The following KATNAL2 variants were observed in gnomAD, a reference collection of about 807,000 sequenced individuals.
KATNAL2 encodes katanin p60 ATPase-containing subunit A-like 2.
In KATNAL2, 52 loss-of-function variants were observed where a neutral mutation model predicts 76.3. The ratio of observed to expected loss-of-function variants is 0.68; its 90% CI spans 0.55 to 0.86. The LOEUF (loss-of-function observed/expected upper bound fraction) is 0.86. KATNAL2 is among the 40% of genes least tolerant of loss of function. KATNAL2 has a pLI of 0.00. For synonymous variants in KATNAL2, 243 were observed against 244.2 expected, an observed-to-expected ratio of 1.00 and a Z score of 0.05; for missense variants, 660 against 668.9, an observed-to-expected ratio of 0.99 and a Z score of 0.15.
chr18:47,034,747 G>T (rs202180726), intron 3 of KATNAL2: 4 of 1,612,820 alleles, frequency 2.5e-6, no homozygotes, highest in South Asian at 2.2e-5. Flanking sequence ...AGCTGTGCGC[G>T]TTGGAGAGGC....
At chr18:46,946,582 G>T (rs2059386215) in intron 2 of KATNAL2, 36 bp downstream of exon 2, 1 of 984,980 alleles carries the variant, frequency 1.0e-6, no homozygotes, top group South Asian at 4.7e-5. Flanking sequence ...TTTTAGAAAC[G>T]AATTAAGAAA....
At chr18:47,034,766 G>A (rs987227054) in intron 3 of KATNAL2, 5 of 1,612,582 alleles carry the variant, frequency 3.1e-6, no homozygotes, top group African/African-American at 1.3e-5. Context: ...GCCCGATAGC[G>A]GCCGGAATCA....
intron 3 of KATNAL2, among the ~76,000 whole-genome samples, chr18:46,947,937 C>T (rs1345335526): frequency 6.6e-6 from 1 of 152,170 alleles, no homozygotes; most frequent in Non-Finnish European, 1.5e-5. Flanking sequence ...CTACCCGCCT[C>T]AGAATCTTTT....
chr18:47,058,360 T>C lies in KATNAL2; in HGVS notation c.450+8T>C, dbSNP rs2147126191. On this transcript the variant is annotated splice_region_variant and intron_variant, in intron 7 of 17. Coordinates refer to ENST00000683218, the MANE Select transcript of KATNAL2 (RefSeq NM_001387690.1). Reference sequence around the variant, plus strand: ...AAGGAGCATCCTAATCAGGTCAGGATGGCTTGGCTTGACTTTGTGAACAGC... The same window carrying C: ...AAGGAGCATCCTAATCAGGTCAGGACGGCTTGGCTTGACTTTGTGAACAGC... 6.5e-7 allele frequency: 1 copy of C among 1,532,108 alleles called. No individual in the cohort carries two copies. The allele number at this position is 1,532,108 out of a possible 1,614,324, so 94.9% of individuals were successfully genotyped here. A position where few individuals can be genotyped will look rare whatever the true frequency, so the allele number is the denominator to read the frequency against.
chr18:47,031,840 T>G (rs1376667736), intron 3 of KATNAL2, among the ~76,000 whole-genome samples: 1 of 152,192 alleles, frequency 6.6e-6, no homozygotes, highest in African/African-American at 2.4e-5. Flanking sequence ...GAATGCTTTC[T>G]TGTCTTCCTG....
chr18:46,954,523 G>T (rs1333943677), intron 3 of KATNAL2, among the ~76,000 whole-genome samples: 1 of 151,600 alleles, frequency 6.6e-6, no homozygotes, highest in African/African-American at 2.4e-5. Flanking sequence ...TACAGACAGG[G>T]TTTCACCATG....
At chr18:46,944,337 C>A (rs115497939) in intron 1 of KATNAL2, among the ~76,000 whole-genome samples, 2 of 152,174 alleles carry the variant, frequency 1.3e-5, no homozygotes, top group East Asian at 3.9e-4. Flanking sequence ...ATAAGTAGTA[C>A]AACAATAAAA....
chr18:47,059,649 C>T lies in KATNAL2; in HGVS notation c.544C>T (p.Arg182Ter), dbSNP rs757847286. 92 of 1,606,250 alleles carry T rather than the reference C, an allele frequency of 5.7e-5. No homozygotes were observed. The East Asian group carries it at 7.4e-4, about 13-fold the overall frequency. ...KDSGEENAHP[R>*]RGQIIDFQGL... ...CAGTGGAGAGGAAAATGCCCACCCA[C>T]GAAGAGTAAGTGAAACTCATGAACC... Residue 182 changes from arginine to a stop codon, truncating the protein, a stop_gained, in exon 8 of 18, where the codon CGA becomes TGA. Coordinates refer to ENST00000683218, the MANE Select transcript of KATNAL2 (RefSeq NM_001387690.1). LOFTEE classifies it high-confidence loss of function.
chr18:47,055,678 A>G (rs1405019575), intron 6 of KATNAL2, among the ~76,000 whole-genome samples: 1 of 152,242 alleles, frequency 6.6e-6, no homozygotes, highest in African/African-American at 2.4e-5. Context: ...TGGGTAATAA[A>G]TGATAACTGC....
intron 6 of KATNAL2, among the ~76,000 whole-genome samples, chr18:47,055,831 A>G (rs1292531193): frequency 6.6e-6 from 1 of 152,206 alleles, no homozygotes; most frequent in Admixed American, 6.5e-5. Flanking sequence ...CCCTTAGGCA[A>G]GGAGCACCGT....
intron 4 of KATNAL2, among the ~76,000 whole-genome samples, chr18:47,051,453 A>AG (rs1188037127): frequency 6.6e-6 from 1 of 151,604 alleles, no homozygotes; most frequent in African/African-American, 2.4e-5. Flanking sequence ...AAGGTTAAAA[A>AG]AAGTTTGTAA....
chr18:47,025,108 C>A (rs1599527088), intron 3 of KATNAL2, among the ~76,000 whole-genome samples: 2 of 94,962 alleles, frequency 2.1e-5, no homozygotes, highest in Non-Finnish European at 4.2e-5. Flanking sequence ...CCCCCCCCCA[C>A]CCCGCCCCCA....
chr18:47,061,043 G>A (rs2061615863), intron 8 of KATNAL2, among the ~76,000 whole-genome samples: 1 of 152,196 alleles, frequency 6.6e-6, no homozygotes, highest in South Asian at 2.1e-4. Flanking sequence ...CTTACCAGCA[G>A]AAATGTCCTC....
chr18:46,955,896 C>T (rs1029489693), intron 3 of KATNAL2, among the ~76,000 whole-genome samples: 1 of 152,022 alleles, frequency 6.6e-6, no homozygotes, highest in Admixed American at 6.6e-5. Context: ...TTTAATAAGG[C>T]TTTGGGAGGG....
chr18:47,066,847 T>TATA lies in KATNAL2; in HGVS notation c.727-174_727-173insATA, dbSNP rs2061812332. Among the ~76,000 whole-genome samples the TATA allele has an allele frequency of 6.4e-4, 19 of 29,584 alleles. No homozygotes were observed. The East Asian group carries it at 6.9e-3, about 11-fold the overall frequency. The allele number at this position is 29,584 out of a possible 152,430, so 19.4% of individuals were successfully genotyped here. On this transcript the variant is annotated intron_variant, in intron 10 of 17. Coordinates refer to ENST00000683218, the MANE Select transcript of KATNAL2 (RefSeq NM_001387690.1). The stretch of plus-strand genomic sequence containing the variant: ...CCAAAATTACAATGTATATATGTGT[T>TATA]TATATATATATATATATATATATAT...
At chr18:46,930,633 T>C (rs1169919772) in intron 1 of KATNAL2, among the ~76,000 whole-genome samples, 1 of 151,502 alleles carries the variant, frequency 6.6e-6, no homozygotes, top group African/African-American at 2.4e-5. Context: ...CTGGCCAACA[T>C]GGTGAAACCC....
intron 3 of KATNAL2, among the ~76,000 whole-genome samples, chr18:46,955,863 A>AT (rs1235963201): frequency 1.3e-5 from 2 of 152,052 alleles, no homozygotes; most frequent in Non-Finnish European, 2.9e-5. Flanking sequence ...TGGGTCATAG[A>AT]TTTTTTATTC....
chr18:46,931,026 G>C (rs1219283524), intron 1 of KATNAL2, among the ~76,000 whole-genome samples: 1 of 151,620 alleles, frequency 6.6e-6, no homozygotes, highest in Non-Finnish European at 1.5e-5. Flanking sequence ...CTTGAACCCA[G>C]GATGCGGAGG....
At chr18:47,079,552 G>A (rs1466467766) in intron 15 of KATNAL2, among the ~76,000 whole-genome samples, 1 of 151,816 alleles carries the variant, frequency 6.6e-6, no homozygotes, top group Non-Finnish European at 1.5e-5. Flanking sequence ...CTGCCACCAC[G>A]CCCGGCTAAT....
Sources: gnomAD v4.1 joint callset for allele counts (sites outside exome capture counted in the v4.1 genomes callset) on GRCh38, gnomAD v4.1.1 for gene constraint, MANE v1.5 for transcripts, NCBI Gene and HGNC (gene_info 2026-07-23, HGNC 2026-07-21) for gene names.